Variants in CLTC observed in about 807,000 individuals in gnomAD.
CLTC encodes the protein clathrin heavy chain, also known as clathrin heavy chain 1.
A neutral mutation model predicts 195.8 loss-of-function variants in CLTC; 16 were observed. The observed-to-expected ratio is 0.08, with a 90% CI of 0.06 to 0.12. The LOEUF is 0.12. CLTC is among the 10% of genes least tolerant of loss of function. CLTC has a pLI of 1.00. For missense variants in CLTC, 796 were observed against 2,027.0 expected (o/e 0.39, Z 11.66); for synonymous variants, 667 against 689.4 (o/e 0.97, Z 0.51).
At chr17:59,662,181 T>G (rs1382153710) in intron 8 of CLTC, among the ~76,000 whole-genome samples, 21 of 152,200 alleles carry the variant, frequency 1.4e-4, no homozygotes, top group Non-Finnish European at 2.1e-4. Flanking sequence ...CCCAGAGATT[T>G]CACAGAATGT....
At chr17:59,647,296 A>C (rs1018244603) in intron 2 of CLTC, 102 bp from the exon 3 acceptor site, 9 of 877,560 alleles carry the variant, frequency 1.0e-5, no homozygotes, top group South Asian at 5.2e-5. Context: ...CTCGTCTCGT[A>C]ATAGAACTAT....
Position 59,667,085 on chromosome 17 carries a change from A to C in CLTC, c.2128+108A>C, listed in dbSNP as rs530495267. ...TTTGTTTTTCTAAAAATTTGGTTCT[A>C]TGGGACATTTTAATTTTTTAAGTTT... On this transcript the variant is annotated intron_variant, in intron 13 of 31. Transcript: ENST00000269122. 74 of 795,906 alleles carry C rather than the reference A, an allele frequency of 9.3e-5. No individual in the cohort carries two copies. In the East Asian group the frequency reaches 1.9e-3, roughly 20 times the overall value. 49.3% of individuals were successfully genotyped at this position (795,906 alleles called of 1,614,324 possible).
At chr17:59,636,692 T>G (rs1488953826) in intron 1 of CLTC, among the ~76,000 whole-genome samples, 1 of 152,194 alleles carries the variant, frequency 6.6e-6, no homozygotes, top group Non-Finnish European at 1.5e-5. Context: ...TTAAACATTT[T>G]AAATAAAGTC....
In CLTC at chr17:59,656,335, T is replaced by G. The variant is rs531735834; in HGVS notation, c.969+308T>G. On this transcript the variant is annotated intron_variant, in intron 6 of 31. Coordinates refer to ENST00000269122, the MANE Select transcript of CLTC (RefSeq NM_004859.4). Reference sequence around the variant, plus strand: ...AGCCATCTAGGACTGTATAGATGCATTACTGTCAAAAGAAGTGATTCCCCA... The same window carrying G: ...AGCCATCTAGGACTGTATAGATGCAGTACTGTCAAAAGAAGTGATTCCCCA... The G allele has an allele frequency of 5.0e-5, 9 of 178,308 alleles. No homozygotes were observed. The East Asian group carries it at 1.4e-3, about 28-fold the overall frequency. 11.0% of individuals were successfully genotyped at this position (178,308 alleles called of 1,614,324 possible). A position where few individuals can be genotyped will look rare whatever the true frequency, so the allele number is the denominator to read the frequency against.
chr17:59,691,980 T>A (rs1366233999), intron 31 of CLTC, among the ~76,000 whole-genome samples: 1 of 152,142 alleles, frequency 6.6e-6, no homozygotes, highest in African/African-American at 2.4e-5. Context: ...GGGTTGGAAT[T>A]TCAAGTAGAT....
intron 8 of CLTC, among the ~76,000 whole-genome samples, chr17:59,663,075 T>C (rs781252711): frequency 2.0e-5 from 3 of 152,330 alleles, no homozygotes; most frequent in Non-Finnish European, 4.4e-5. Context: ...TAATCAACTA[T>C]TCATTAGCAT....
chr17:59,690,541 A>C (rs1413493017), intron 30 of CLTC, 95 bp from the exon 31 acceptor site: 2 of 784,302 alleles, frequency 2.6e-6, no homozygotes, highest in Admixed American at 2.5e-5. Flanking sequence ...TTATTTTGAC[A>C]GAATTTAACA....
At position 59,666,871 on chromosome 17, in the gene CLTC, C is replaced by T; in HGVS notation, c.2022C>T (p.Asn674=). The part of the protein sequence containing the change: ...LECLRAMLSA[N]IRQNLQICVQ... ...GTCTCAGAGCCATGCTGTCTGCCAACATCCGTCAGAATCTGCAGATTTGTG... is the reference window on the plus strand; with the variant it reads ...GTCTCAGAGCCATGCTGTCTGCCAATATCCGTCAGAATCTGCAGATTTGTG... Residue 674 remains asparagine, a synonymous_variant, in exon 13 of 32, where the codon AAC becomes AAT. Transcript: ENST00000269122. This position sits in a 1 kb window ranked among gnomAD's most constrained non-coding sequence, Gnocchi z 4.9. 6.2e-7 allele frequency: 1 copy of T among 1,613,944 alleles called. No individual in the cohort carries two copies. The highest frequency in any genetic ancestry group is 2.2e-5 in the East Asian group (1 of 44,862).
At chr17:59,641,887 T>C (rs2032046285) in intron 1 of CLTC, among the ~76,000 whole-genome samples, 1 of 152,026 alleles carries the variant, frequency 6.6e-6, no homozygotes, top group African/African-American at 2.4e-5. Context: ...GGGGTCTCAT[T>C]ATGTTGCCCA....
rs1030921894 is a variant in CLTC, at chr17:59,694,980, A to C, written c.*1128A>C. The stretch of plus-strand genomic sequence containing the variant: ...AGTCTAAAGAACCAGAGTCACTACT[A>C]TAGTGGCTTAACATTTAATCTGTCT... On this transcript the variant is annotated 3_prime_UTR_variant, in exon 32 of 32. Coordinates refer to ENST00000269122, the MANE Select transcript of CLTC (RefSeq NM_004859.4). 28 of 216,480 alleles carry C rather than the reference A, an allele frequency of 1.3e-4. No individual in the cohort carries two copies. Among genetic ancestry groups the C allele is most frequent in the African/African-American group, 4.5e-4 (20 of 44,414 alleles). 13.4% of individuals were successfully genotyped at this position (216,480 alleles called of 1,614,324 possible). A position where few individuals can be genotyped will look rare whatever the true frequency, so the allele number is the denominator to read the frequency against.
In CLTC at chr17:59,648,257, A is replaced by G. The variant is rs1235042315; in HGVS notation, c.537A>G (p.Gly179=). The G allele has an allele frequency of 6.2e-7, 1 of 1,613,444 alleles. No individual in the cohort carries two copies. The part of the protein sequence containing the change: ...GISAQQNRVV[G]AMQLYSVDRK... Reference sequence around the variant, plus strand: ...CTTTATAGCAAAATCGTGTGGTGGGAGCTATGCAGCTATATTCTGTAGATA... The same window carrying G: ...CTTTATAGCAAAATCGTGTGGTGGGGGCTATGCAGCTATATTCTGTAGATA... The change falls in exon 4 of 32, where the codon GGA becomes GGG. Residue 179 remains glycine (G), a synonymous_variant. Coordinates refer to ENST00000269122, the MANE Select transcript of CLTC (RefSeq NM_004859.4). The surrounding 1 kb of genome is among the most constrained non-coding windows in gnomAD (Gnocchi z 4.5).
intron 15 of CLTC, 168 bp from the exon 16 acceptor site, chr17:59,674,533 T>C: frequency 1.8e-6 from 1 of 556,558 alleles, no homozygotes; most frequent in Non-Finnish European, 3.1e-6. Flanking sequence ...TCCTGCTAAA[T>C]TCCTCTATCT....
Position 59,628,913 on chromosome 17 carries a change from C to T in CLTC, c.42+8740C>T, listed in dbSNP as rs145925951. 2.5e-4 allele frequency among the ~76,000 whole-genome samples: 38 copies of T among 152,266 alleles called. No homozygotes were observed. In the East Asian group the frequency reaches 5.2e-3, roughly 21 times the overall value. ...CTGACCTCAAATAATCTACCCTCCT[C>T]AGCTTCCCAAAGTGCTGGGATTACA... On this transcript the variant is annotated intron_variant, in intron 1 of 31. Coordinates refer to ENST00000269122, the MANE Select transcript of CLTC (RefSeq NM_004859.4).
chr17:59,680,924 G>T lies in CLTC; in HGVS notation c.2932G>T (p.Ala978Ser), dbSNP rs1444315245. 5 of 1,613,058 alleles carry T rather than the reference G, an allele frequency of 3.1e-6. No homozygotes were observed. Among genetic ancestry groups the T allele is most frequent in the Non-Finnish European group, 4.2e-6 (5 of 1,179,538 alleles). ...RPLIDQVVQTALSETQDPEEV... is the reference protein window; with the variant it reads ...RPLIDQVVQTSLSETQDPEEV... ...ATATCCTCTGTAGGTTGTACAAACA[G>T]CTTTGTCTGAGACTCAGGACCCTGA... Residue 978 changes from alanine to serine, a missense_variant, in exon 19 of 32, where the codon GCT (alanine) becomes TCT (serine). Ala to Ser is a moderately conservative substitution (Grantham distance 99). This residue lies in a region of CLTC where 160 missense variants were observed against 448.2 expected (regional missense o/e 0.36). Coordinates refer to ENST00000269122, the MANE Select transcript of CLTC (RefSeq NM_004859.4).
In CLTC at chr17:59,674,727, T is replaced by A. The variant is rs764004180; in HGVS notation, c.2445T>A (p.Val815=). The change falls in exon 16 of 32, where the codon GTT becomes GTA. Residue 815 remains valine, a synonymous_variant. Coordinates refer to ENST00000269122, the MANE Select transcript of CLTC (RefSeq NM_004859.4). ...TGAATCCAAGTCGACTTCCTGTAGTTATTGGAGGATTACTTGATGTTGACT... is the reference window on the plus strand; with the variant it reads ...TGAATCCAAGTCGACTTCCTGTAGTAATTGGAGGATTACTTGATGTTGACT... ...QKVNPSRLPV[V]IGGLLDVDCS... 1 of 1,613,200 alleles carries A rather than the reference T, an allele frequency of 6.2e-7. No homozygotes were observed. The highest frequency in any genetic ancestry group is 1.1e-5 in the South Asian group (1 of 90,994).
chr17:59,685,098 A>C lies in CLTC; in HGVS notation c.4477A>C (p.Ile1493Leu). The C allele has an allele frequency of 6.2e-7, 1 of 1,604,184 alleles. No individual in the cohort carries two copies. Among genetic ancestry groups the C allele is most frequent in the South Asian group, 1.1e-5 (1 of 90,084 alleles). The change falls in exon 29 of 32, where the codon ATC (isoleucine) becomes CTC (leucine). Residue 1493 changes from isoleucine (I) to leucine (L), a missense_variant. Ile to Leu is a conservative substitution (Grantham distance 5, BLOSUM62 2). Coordinates refer to ENST00000269122, the MANE Select transcript of CLTC (RefSeq NM_004859.4). The surrounding 1 kb of genome is among the most constrained non-coding windows in gnomAD (Gnocchi z 5.0). Reference sequence around the variant, plus strand: ...AGATGCTTATGACAACTTTGACAATATCTCGCTTGCTCAGCGTTTGGAAAA... The same window carrying C: ...AGATGCTTATGACAACTTTGACAATCTCTCGCTTGCTCAGCGTTTGGAAAA... ...SIDAYDNFDN[I>L]SLAQRLEKHE... is the part of the protein sequence containing the mutation.
At chr17:59,644,999 A>G (rs1414610061) in intron 2 of CLTC, among the ~76,000 whole-genome samples, 3 of 152,250 alleles carry the variant, frequency 2.0e-5, no homozygotes, top group Non-Finnish European at 4.4e-5. Flanking sequence ...TATCTGTGGA[A>G]TGTCTTAACA....
intron 28 of CLTC, among the ~76,000 whole-genome samples, chr17:59,684,799 TCC>T (rs1491502929): frequency 1.5e-4 from 11 of 71,276 alleles, no homozygotes; most frequent in Middle Eastern, 7.6e-3. Context: ...AGAGGGAGAC[TCC>T]ATCTCAAAAA....
chr17:59,635,476 T>C (rs1351896189), intron 1 of CLTC, among the ~76,000 whole-genome samples: 1 of 152,178 alleles, frequency 6.6e-6, no homozygotes, highest in African/African-American at 2.4e-5. Context: ...ATTAGTAGGC[T>C]CAAAGCAAAC....
Sources: allele counts gnomAD v4.1 joint callset (sites outside exome capture counted in the v4.1 genomes callset), GRCh38; gene constraint gnomAD v4.1.1; regional missense constraint gnomAD v4.1.1; non-coding constraint Gnocchi (gnomAD v3.1); transcripts MANE v1.5; gene names NCBI Gene and HGNC (gene_info 2026-07-23, HGNC 2026-07-21).